LRCH1: variants seen among roughly 807,000 people sequenced by gnomAD.
LRCH1 encodes leucine rich repeats and calponin homology domain containing 1.
Under a neutral mutation model 94.9 loss-of-function variants are expected in LRCH1, and 23 were observed. The observed-to-expected ratio is 0.24, with a 90% CI of 0.17 to 0.34. The LOEUF (loss-of-function observed/expected upper bound fraction) is 0.34. Among genes scored for constraint, LRCH1 ranks in the 10% least tolerant of loss-of-function variants. The probability of loss-of-function intolerance (pLI) is 1.00; values close to 1 mark genes in which losing one functional copy is unlikely to be tolerated. For synonymous variants in LRCH1, 364 were observed against 354.9 expected (o/e 1.03, Z -0.29); for missense variants, 790 against 945.9 (o/e 0.84, Z 2.16).
chr13:46,728,971 C>G lies in LRCH1; in HGVS notation c.1994C>G (p.Pro665Arg). The G allele has an allele frequency of 6.2e-7, 1 of 1,612,686 alleles. No homozygotes were observed. Among genetic ancestry groups the G allele is most frequent in the Non-Finnish European group, 8.5e-7 (1 of 1,179,260 alleles). ...RPRSVASIHVPSPAVPKLSMA... is the reference protein window; with the variant it reads ...RPRSVASIHVRSPAVPKLSMA... The stretch of plus-strand genomic sequence containing the variant: ...CGGTCGGTTGCAAGCATCCATGTCC[C>G]ATCACCAGCGGTTGTAAGTAACACC... The change falls in exon 18 of 20, where the codon CCA becomes CGA. Residue 665 changes from proline (P) to arginine (R), a missense_variant. By Grantham distance (103) the Pro-to-Arg change is moderately radical (BLOSUM62 -2). Around this residue, in one of 3 missense-constraint regions of LRCH1, gnomAD observed 460 missense variants for 508.9 expected, o/e 0.90. Coordinates refer to ENST00000389797, the MANE Select transcript of LRCH1 (RefSeq NM_001164211.2).
At chr13:46,599,772 T>C (rs1016512212) in intron 1 of LRCH1, among the ~76,000 whole-genome samples, 1 of 152,230 alleles carries the variant, frequency 6.6e-6, no homozygotes, top group Non-Finnish European at 1.5e-5. Flanking sequence ...ACCTTAGAAC[T>C]GTGGCCACAG....
At chr13:46,733,084 A>T (rs538483828) in intron 18 of LRCH1, among the ~76,000 whole-genome samples, 1 of 152,214 alleles carries the variant, frequency 6.6e-6, no homozygotes, top group African/African-American at 2.4e-5. Flanking sequence ...CATGAGCAGG[A>T]TAAGGCCAGT....
chr13:46,690,349 T>C (rs1302625066), intron 7 of LRCH1, among the ~76,000 whole-genome samples: 1 of 152,132 alleles, frequency 6.6e-6, no homozygotes, highest in Non-Finnish European at 1.5e-5. Context: ...ATTGCTTTAG[T>C]TGCATTTTAA....
chr13:46,621,444 C>T (rs563926786), intron 1 of LRCH1, among the ~76,000 whole-genome samples: 1 of 152,278 alleles, frequency 6.6e-6, no homozygotes, highest in Non-Finnish European at 1.5e-5. Flanking sequence ...AGATCTTAGT[C>T]TGGGGCAGCA....
chr13:46,580,131 C>T (rs2050348538), intron 1 of LRCH1, among the ~76,000 whole-genome samples: 1 of 152,178 alleles, frequency 6.6e-6, no homozygotes, highest in Admixed American at 6.5e-5. Flanking sequence ...CTCCTACTGC[C>T]TCTAATTTTT....
At chr13:46,571,692 G>C (rs1175597564) in intron 1 of LRCH1, among the ~76,000 whole-genome samples, 1 of 152,172 alleles carries the variant, frequency 6.6e-6, no homozygotes, top group Non-Finnish European at 1.5e-5. Context: ...AATGGTCTTG[G>C]AGTCCAACAG....
In LRCH1 at chr13:46,733,996, G is replaced by A; in HGVS notation, c.2083G>A (p.Glu695Lys). ...AGCATGCCGAAAATTAGGAGTACCAGAGGTAACATCAAACTTACTTCATAT... is the reference window on the plus strand; with the variant it reads ...AGCATGCCGAAAATTAGGAGTACCAAAGGTAACATCAAACTTACTTCATAT... ...LEACRKLGVP[E>K]ADLCSPCDIL... The change falls in exon 19 of 20, where the codon GAG (glutamate) becomes AAG (lysine). Residue 695 changes from glutamate to lysine, a missense_variant and splice_region_variant. Glu to Lys is a moderately conservative substitution (Grantham distance 56). This residue lies in a region of LRCH1 where 460 missense variants were observed against 508.9 expected (regional missense o/e 0.90). Transcript: ENST00000389797. 6.4e-7 allele frequency: 1 copy of A among 1,573,268 alleles called. No homozygotes were observed. Among genetic ancestry groups the A allele is most frequent in the Non-Finnish European group, 8.7e-7 (1 of 1,149,412 alleles).
intron 4 of LRCH1, among the ~76,000 whole-genome samples, chr13:46,683,616 A>G (rs1018078929): frequency 6.6e-6 from 1 of 152,130 alleles, no homozygotes; most frequent in African/African-American, 2.4e-5. Flanking sequence ...AAATAATTGA[A>G]CTCTCATTTT....
chr13:46,626,727 T>C (rs556032521), intron 1 of LRCH1, among the ~76,000 whole-genome samples: 1 of 152,314 alleles, frequency 6.6e-6, no homozygotes, highest in South Asian at 2.1e-4. Flanking sequence ...AATACAATTT[T>C]TGCTGAAGTT....
intron 11 of LRCH1, among the ~76,000 whole-genome samples, chr13:46,703,757 A>G (rs1013596892): frequency 4.6e-5 from 7 of 152,154 alleles, no homozygotes; most frequent in Non-Finnish European, 7.4e-5. Context: ...AAAAGTATAT[A>G]ACTTTTTTAA....
rs149495735 is a variant in LRCH1, at chr13:46,694,088, A to T, written c.1121-805A>T. Among the ~76,000 whole-genome samples the T allele has an allele frequency of 8.4e-3, 1,278 of 152,330 alleles. 6 individuals are homozygous for T. The highest frequency in any genetic ancestry group is 0.014 in the Non-Finnish European group (946 of 68,028). On this transcript the variant is annotated intron_variant, in intron 8 of 19. Transcript: ENST00000389797. Reference sequence around the variant, plus strand: ...AATATAACTGCCACTTTATTAATTCATATAAAGTTAGTAATATTATACACT... The same window carrying T: ...AATATAACTGCCACTTTATTAATTCTTATAAAGTTAGTAATATTATACACT...
At chr13:46,564,268 A>G (rs1159292301) in intron 1 of LRCH1, among the ~76,000 whole-genome samples, 6 of 152,206 alleles carry the variant, frequency 3.9e-5, no homozygotes, top group African/African-American at 7.2e-5. Flanking sequence ...GCATTTTCCT[A>G]TAAAAACAAG....
intron 1 of LRCH1, among the ~76,000 whole-genome samples, chr13:46,590,288 C>G (rs1342193870): frequency 6.6e-6 from 1 of 152,116 alleles, no homozygotes; most frequent in East Asian, 1.9e-4. Flanking sequence ...CCCCCCTTCA[C>G]CCTATCTCTT....
intron 3 of LRCH1, among the ~76,000 whole-genome samples, chr13:46,673,852 C>T (rs1301579211): frequency 6.7e-6 from 1 of 150,278 alleles, no homozygotes; most frequent in African/African-American, 2.5e-5. Flanking sequence ...ACAATCTCTG[C>T]TCACTGCAGG....
chr13:46,682,527 C>T lies in LRCH1; in HGVS notation c.685+681C>T, dbSNP rs535972061. Among the ~76,000 whole-genome samples the T allele has an allele frequency of 3.9e-5, 6 of 152,294 alleles. No individual in the cohort carries two copies. The East Asian group carries it at 7.7e-4, about 20-fold the overall frequency. ...AATTGTTTTGGGTATGGGTATGTGA[C>T]GTTTTGGAACGTGAAATTTCGGGGA... is the stretch of plus-strand genomic sequence containing the variant. On this transcript the variant is annotated intron_variant, in intron 4 of 19. Transcript: ENST00000389797.
intron 9 of LRCH1, among the ~76,000 whole-genome samples, chr13:46,696,206 ACAC>A (rs1871175650): frequency 7.7e-6 from 1 of 129,850 alleles, no homozygotes; most frequent in African/African-American, 4.7e-5. Flanking sequence ...ACACACACAC[ACAC>A]ACACACACAC....
chr13:46,592,464 CA>C (rs1256892912), intron 1 of LRCH1, among the ~76,000 whole-genome samples: 4 of 152,188 alleles, frequency 2.6e-5, no homozygotes, highest in Admixed American at 6.5e-5. Context: ...CTCTGTCCCA[CA>C]CATGGTGCTA....
chr13:46,725,335 C>A (rs1321167006), intron 17 of LRCH1, among the ~76,000 whole-genome samples: 1 of 152,160 alleles, frequency 6.6e-6, no homozygotes, highest in African/African-American at 2.4e-5. Context: ...TGTACATGTA[C>A]CCCTGAATCT....
At chr13:46,696,401 A>G (rs1447413077) in intron 9 of LRCH1, among the ~76,000 whole-genome samples, 1 of 152,192 alleles carries the variant, frequency 6.6e-6, no homozygotes, top group Non-Finnish European at 1.5e-5. Context: ...ATTCATCTTA[A>G]GTTAAGAATC....
Sources: gnomAD v4.1 joint callset for allele counts (sites outside exome capture counted in the v4.1 genomes callset) on GRCh38, gnomAD v4.1.1 for gene constraint, gnomAD v4.1.1 regional missense constraint, MANE v1.5 for transcripts, NCBI Gene and HGNC (gene_info 2026-07-23, HGNC 2026-07-21) for gene names.